Variants in ACTN1 observed in about 807,000 individuals in gnomAD.
ACTN1 encodes the protein alpha-actinin-1.
ACTN1 carries 30 observed loss-of-function variants against 119.6 expected under a neutral mutation model. That is an observed-to-expected ratio of 0.25 (90% CI 0.19 to 0.34). The LOEUF is 0.34. ACTN1 is among the 10% of genes least tolerant of loss of function. The pLI, the probability that ACTN1 is intolerant of heterozygous loss-of-function variation, is 1.00. For missense variants in ACTN1, 764 were observed against 1,223.4 expected, an observed-to-expected ratio of 0.62 and a Z score of 5.60; for synonymous variants, 429 against 472.6, an observed-to-expected ratio of 0.91 and a Z score of 1.20.
chr14:68,909,926 G>T lies in ACTN1; in HGVS notation c.515+29C>A, dbSNP rs754229722. ...CTCCCGGGGGAGGCAGCCTGGTTCTGTGAGAGCCCCTCAGACCCCAGCACT... is the reference window on the plus strand; with the variant it reads ...CTCCCGGGGGAGGCAGCCTGGTTCTTTGAGAGCCCCTCAGACCCCAGCACT... On this transcript the variant is annotated intron_variant, in intron 5 of 21. Transcript: ENST00000394419. This position sits in a 1 kb window ranked among gnomAD's most constrained non-coding sequence, Gnocchi z 4.1. 1.2e-6 allele frequency: 2 copies of T among 1,603,214 alleles called. No individual in the cohort carries two copies. The highest frequency in any genetic ancestry group is 1.7e-6 in the Non-Finnish European group (2 of 1,170,662).
At chr14:68,904,838 T>C in intron 6 of ACTN1, 102 bp from the exon 7 acceptor site, 1 of 929,960 alleles carries the variant, frequency 1.1e-6, no homozygotes, top group Non-Finnish European at 1.7e-6. Flanking sequence ...CAGAGCGACT[T>C]TCTCCCAGCC....
chr14:68,946,327 C>G (rs1297434279), intron 1 of ACTN1, among the ~76,000 whole-genome samples: 1 of 152,146 alleles, frequency 6.6e-6, no homozygotes, highest in Non-Finnish European at 1.5e-5. Flanking sequence ...TCTAATGGAC[C>G]AGGCCAACTT....
chr14:68,918,666 C>T (rs1037659842), intron 3 of ACTN1, among the ~76,000 whole-genome samples: 40 of 151,748 alleles, frequency 2.6e-4, no homozygotes, highest in African/African-American at 8.7e-4. Context: ...GAGGCCGAGG[C>T]GGGCGGATCA....
intron 3 of ACTN1, among the ~76,000 whole-genome samples, chr14:68,916,845 C>T (rs2034322674): frequency 6.6e-6 from 1 of 152,154 alleles, no homozygotes; most frequent in South Asian, 2.1e-4. Flanking sequence ...TTTCTCCCTC[C>T]TTCTCTCTCC....
chr14:68,971,517 C>T (rs1199224354), intron 1 of ACTN1, among the ~76,000 whole-genome samples: 1 of 152,190 alleles, frequency 6.6e-6, no homozygotes, highest in Non-Finnish European at 1.5e-5. Flanking sequence ...TCAAGGGTGC[C>T]AGCACCTTCA....
At chr14:68,898,066 T>A (rs2033004088) in intron 8 of ACTN1, among the ~76,000 whole-genome samples, 1 of 152,256 alleles carries the variant, frequency 6.6e-6, no homozygotes, top group South Asian at 2.1e-4. Flanking sequence ...TGACTGCACC[T>A]GCCCTGCTCA....
rs1317381933 is a variant in ACTN1, at chr14:68,885,182, C to T, written c.1385+243G>A. On this transcript the variant is annotated intron_variant, in intron 12 of 21. Coordinates refer to ENST00000394419, the MANE Select transcript of ACTN1 (RefSeq NM_001130004.2). This position sits in a 1 kb window ranked among gnomAD's most constrained non-coding sequence, Gnocchi z 5.6. The stretch of plus-strand genomic sequence containing the variant: ...AGAAAGCTCAGAACCAAGTCTTGGT[C>T]ACCCTCTGCTCCTGTACTAGCTACA... Among the ~76,000 whole-genome samples, 1 of 152,146 alleles carries T rather than the reference C, an allele frequency of 6.6e-6. No individual in the cohort carries two copies. The highest frequency in any genetic ancestry group is 1.5e-5 in the Non-Finnish European group (1 of 68,004).
At chr14:68,933,810 G>A (rs566901119) in intron 1 of ACTN1, among the ~76,000 whole-genome samples, 1 of 152,004 alleles carries the variant, frequency 6.6e-6, no homozygotes, top group Admixed American at 6.5e-5. Context: ...CATCTCTACA[G>A]AAAAAATCAA....
chr14:68,940,532 C>T (rs1389834145), intron 1 of ACTN1, among the ~76,000 whole-genome samples: 1 of 152,000 alleles, frequency 6.6e-6, no homozygotes, highest in African/African-American at 2.4e-5. Flanking sequence ...ACTAGACTTA[C>T]GGTAGGGGCT....
At chr14:68,884,381 C>T in intron 13 of ACTN1, 73 bp from the exon 14 acceptor site, 2 of 1,519,314 alleles carry the variant, frequency 1.3e-6, no homozygotes, top group Non-Finnish European at 1.8e-6. Flanking sequence ...TCAAGATCCT[C>T]CTGGTGAGCC....
intron 1 of ACTN1, among the ~76,000 whole-genome samples, chr14:68,948,574 T>C (rs989242955): frequency 6.6e-6 from 1 of 151,538 alleles, no homozygotes; most frequent in South Asian, 2.1e-4. Context: ...CAAGACTCCA[T>C]CTTAAAAAAA....
At chr14:68,924,497 G>C (rs2034819122) in intron 2 of ACTN1, among the ~76,000 whole-genome samples, 1 of 152,346 alleles carries the variant, frequency 6.6e-6, no homozygotes, top group Admixed American at 6.5e-5. Flanking sequence ...GCAGGTGCCA[G>C]CTCATGCAGG....
rs755087579 is a variant in ACTN1 at position 68,874,976 on chromosome 14, G to A, written c.2628C>T (p.Pro876=). ...TMDELRRELP[P]DQAEYCIARM... is the part of the protein sequence containing the mutation. ...GCGCGATGCAGTACTCAGCCTGGTC[G>A]GGTGGCAGCTCGCGGCGCAGCTCGT... is the stretch of plus-strand genomic sequence containing the variant. The change falls in exon 22 of 22, where the codon CCC becomes CCT. Residue 876 remains proline (P), a synonymous_variant. Coordinates refer to ENST00000394419, the MANE Select transcript of ACTN1 (RefSeq NM_001130004.2). 1.1e-5 allele frequency: 17 copies of A among 1,613,682 alleles called. No homozygotes were observed. The highest frequency in any genetic ancestry group is 6.7e-5 in the East Asian group (3 of 44,884).
intron 21 of ACTN1, among the ~76,000 whole-genome samples, chr14:68,875,345 G>A (rs995836742): frequency 1.3e-5 from 2 of 152,254 alleles, no homozygotes; most frequent in Non-Finnish European, 2.9e-5. Context: ...AGCAGTATCA[G>A]CAGATACTCT....
At position 68,878,890 on chromosome 14, in the gene ACTN1, G is replaced by A; in HGVS notation, c.2361+99C>T. ...ACGAGCCCCATGGCCCACAGGAGGG[G>A]GACAGGAGATCCAGACAGAGAGAAG... On this transcript the variant is annotated intron_variant, in intron 19 of 21. Coordinates refer to ENST00000394419, the MANE Select transcript of ACTN1 (RefSeq NM_001130004.2). This position sits in a 1 kb window ranked among gnomAD's most constrained non-coding sequence, Gnocchi z 4.4. 6.2e-7 allele frequency: 1 copy of A among 1,600,820 alleles called. No homozygotes were observed. The highest frequency in any genetic ancestry group is 1.3e-5 in the African/African-American group (1 of 74,854).
chr14:68,975,176 C>T (rs2037019790), intron 1 of ACTN1, among the ~76,000 whole-genome samples: 1 of 152,222 alleles, frequency 6.6e-6, no homozygotes, highest in Non-Finnish European at 1.5e-5. Flanking sequence ...CCTCACCTGT[C>T]TGCAGAATCG....
chr14:68,959,352 C>G (rs1167344302), intron 1 of ACTN1, among the ~76,000 whole-genome samples: 1 of 152,152 alleles, frequency 6.6e-6, no homozygotes, highest in Non-Finnish European at 1.5e-5. Flanking sequence ...AACAAGTATA[C>G]AAAAAGTTTC....
At chr14:68,949,163 A>C (rs1344238926) in intron 1 of ACTN1, among the ~76,000 whole-genome samples, 1 of 152,236 alleles carries the variant, frequency 6.6e-6, no homozygotes, top group Non-Finnish European at 1.5e-5. Context: ...CCTCGGAGAG[A>C]AAAACAGCCC....
chr14:68,878,292 C>G lies in ACTN1; in HGVS notation c.2427+166G>C, dbSNP rs2031120622. 2 of 1,026,590 alleles carry G rather than the reference C, an allele frequency of 1.9e-6. No homozygotes were observed. Among genetic ancestry groups the G allele is most frequent in the Non-Finnish European group, 2.7e-6 (2 of 736,730 alleles). 63.6% of individuals were successfully genotyped at this position (1,026,590 alleles called of 1,614,324 possible). A position where few individuals can be genotyped will look rare whatever the true frequency, so the allele number is the denominator to read the frequency against. On this transcript the variant is annotated intron_variant, in intron 20 of 21. Coordinates refer to ENST00000394419, the MANE Select transcript of ACTN1 (RefSeq NM_001130004.2). The surrounding 1 kb of genome is among the most constrained non-coding windows in gnomAD (Gnocchi z 4.4). ...GGATACACACACGCCCGTGGCCGGG[C>G]CGGCTTTCAGGGAGCCATCTTCCCC...
Sources: gnomAD v4.1 joint callset for allele counts (sites outside exome capture counted in the v4.1 genomes callset) on GRCh38, gnomAD v4.1.1 for gene constraint, Gnocchi (gnomAD v3.1) non-coding constraint, MANE v1.5 for transcripts, NCBI Gene and HGNC (gene_info 2026-07-23, HGNC 2026-07-21) for gene names.